Variants in UNC5D observed in about 807,000 individuals in gnomAD.
UNC5D encodes unc-5 netrin receptor D, also known as netrin receptor UNC5D.
A neutral mutation model predicts 105.4 loss-of-function variants in UNC5D; 39 were observed. The observed-to-expected ratio is 0.37, with a 90% CI of 0.29 to 0.48. The LOEUF is 0.48. UNC5D is among the 20% of genes least tolerant of loss of function. UNC5D has a pLI of 0.98. For synonymous variants in UNC5D, 452 were observed against 450.4 expected (o/e 1.00, Z -0.04); for missense variants, 991 against 1,202.4 (o/e 0.82, Z 2.60).
At chr8:35,356,690 C>A (rs114991309) in intron 1 of UNC5D, among the ~76,000 whole-genome samples, 2,261 of 151,344 alleles carry the variant, frequency 0.015, 64 homozygotes, top group African/African-American at 0.053. Flanking sequence ...AAAGGAAGAA[C>A]TTAACAGCTT....
At chr8:35,589,387 T>G (rs117865994) in intron 3 of UNC5D, among the ~76,000 whole-genome samples, 1,770 of 151,840 alleles carry the variant, frequency 0.012, 20 homozygotes, top group Middle Eastern at 0.02. Context: ...ATGCATCCAT[T>G]TTTCTGTGGA....
intron 4 of UNC5D, among the ~76,000 whole-genome samples, chr8:35,616,660 C>T (rs1821044214): frequency 6.6e-6 from 1 of 152,170 alleles, no homozygotes; most frequent in South Asian, 2.1e-4. Flanking sequence ...CCTCCATCTC[C>T]TCTCCAATTT....
intron 1 of UNC5D, among the ~76,000 whole-genome samples, chr8:35,518,513 GTCCCT>G (rs1813260012): frequency 6.6e-6 from 1 of 152,058 alleles, no homozygotes; most frequent in South Asian, 2.1e-4. Flanking sequence ...TAGATCGATG[GTCCCT>G]TCTTACTGCA....
chr8:35,442,425 TAG>T (rs1287603663), intron 1 of UNC5D, among the ~76,000 whole-genome samples: 1 of 151,854 alleles, frequency 6.6e-6, no homozygotes, highest in Non-Finnish European at 1.5e-5. Context: ...AGAGTTACTC[TAG>T]AGGCATGAGG....
At chr8:35,616,859 C>G (rs1052371591) in intron 4 of UNC5D, among the ~76,000 whole-genome samples, 1 of 152,142 alleles carries the variant, frequency 6.6e-6, no homozygotes, top group Non-Finnish European at 1.5e-5. Flanking sequence ...TTTAAAGAAA[C>G]CTCATATAAG....
Position 35,722,269 on chromosome 8 carries a change from G to A in UNC5D, c.1177G>A (p.Val393Ile), listed in dbSNP as rs200480436. The change falls in exon 9 of 17, where the codon GTT becomes ATT. Residue 393 changes from valine to isoleucine, a missense_variant. By Grantham distance (29) the Val-to-Ile change is conservative. This residue lies in a region of UNC5D where 944 missense variants were observed against 1,131.6 expected (regional missense o/e 0.83). Transcript: ENST00000404895. ...YSGLGAAVVA[V>I]AVLVIGVTLY... ...GGGCTTGGGTGCTGCCGTCGTGGCCGTTGCAGTCCTGGTCATTGGTGTCAC... is the reference window on the plus strand; with the variant it reads ...GGGCTTGGGTGCTGCCGTCGTGGCCATTGCAGTCCTGGTCATTGGTGTCAC... The A allele has an allele frequency of 2.1e-4, 332 of 1,614,020 alleles. 2 individuals are homozygous for A. The highest frequency in any genetic ancestry group is 2.5e-4 in the Non-Finnish European group (300 of 1,180,026).
chr8:35,506,516 G>T (rs1318427739), intron 1 of UNC5D, among the ~76,000 whole-genome samples: 1 of 152,178 alleles, frequency 6.6e-6, no homozygotes, highest in Admixed American at 6.5e-5. Flanking sequence ...TAGAGGACCA[G>T]GTATAATCAT....
chr8:35,353,097 G>A (rs1031308150), intron 1 of UNC5D, among the ~76,000 whole-genome samples: 9 of 152,032 alleles, frequency 5.9e-5, no homozygotes, highest in African/African-American at 2.2e-4. Flanking sequence ...CACAACAAAA[G>A]CTACCCTAAG....
At chr8:35,726,710 T>C in intron 10 of UNC5D, 181 bp downstream of exon 10, 2 of 921,856 alleles carry the variant, frequency 2.2e-6, no homozygotes, top group Non-Finnish European at 3.2e-6. Flanking sequence ...GAGATTAGAT[T>C]TTGCAGTCTT....
intron 1 of UNC5D, among the ~76,000 whole-genome samples, chr8:35,542,454 A>G (rs1225551451): frequency 3.3e-5 from 5 of 152,212 alleles, no homozygotes; most frequent in Admixed American, 3.3e-4. Flanking sequence ...TTAAAGAGCT[A>G]ATTCTAAGGA....
intron 1 of UNC5D, among the ~76,000 whole-genome samples, chr8:35,444,184 C>T (rs1807625727): frequency 6.6e-6 from 1 of 151,898 alleles, no homozygotes; most frequent in Non-Finnish European, 1.5e-5. Flanking sequence ...TCAAATTTCC[C>T]ATTCTCTATT....
chr8:35,656,388 C>T (rs565119073), intron 4 of UNC5D, among the ~76,000 whole-genome samples: 1 of 152,280 alleles, frequency 6.6e-6, no homozygotes, highest in Admixed American at 6.5e-5. Context: ...TCAGGTTTTT[C>T]TGAGAAGTTG....
Position 35,377,437 on chromosome 8 carries a change from G to A in UNC5D, c.103+141550G>A, listed in dbSNP as rs116892447. On this transcript the variant is annotated intron_variant, in intron 1 of 16. Transcript: ENST00000404895. ...GCAGCACCAGGGCATTGAGTGCTCCGTGTGTCTCTGCAGGGCCCGGGATTG... is the reference window on the plus strand; with the variant it reads ...GCAGCACCAGGGCATTGAGTGCTCCATGTGTCTCTGCAGGGCCCGGGATTG... Among the ~76,000 whole-genome samples the A allele has an allele frequency of 8.6e-3, 1,309 of 152,296 alleles. 10 individuals carry two copies. Among genetic ancestry groups the A allele is most frequent in the Non-Finnish European group, 0.012 (830 of 68,032 alleles).
intron 1 of UNC5D, among the ~76,000 whole-genome samples, chr8:35,412,831 G>C (rs1034876230): frequency 6.6e-6 from 1 of 152,022 alleles, no homozygotes; most frequent in South Asian, 2.1e-4. Context: ...TTAGATGTTC[G>C]TTCCAACTCC....
intron 13 of UNC5D, 95 bp downstream of exon 13, chr8:35,750,904 TAGAAAATGAACCCACGCC>T: frequency 6.8e-7 from 1 of 1,476,940 alleles, no homozygotes. Context: ...ACTGAGGGTC[TAGAAAATGAACCCACGCC>T]ACTGTAACTG....
At chr8:35,281,090 G>A (rs1387648416) in intron 1 of UNC5D, among the ~76,000 whole-genome samples, 1 of 152,034 alleles carries the variant, frequency 6.6e-6, no homozygotes, top group Non-Finnish European at 1.5e-5. Context: ...CCAGGCCTTC[G>A]CTGTGCCTCA....
At chr8:35,764,714 T>A (rs1223235248) in intron 14 of UNC5D, among the ~76,000 whole-genome samples, 2 of 152,186 alleles carry the variant, frequency 1.3e-5, no homozygotes, top group Admixed American at 1.3e-4. Flanking sequence ...AACGGACATG[T>A]GTTGTCAGCT....
chr8:35,394,125 G>T (rs979347646), intron 1 of UNC5D, among the ~76,000 whole-genome samples: 2 of 151,950 alleles, frequency 1.3e-5, no homozygotes, highest in African/African-American at 4.8e-5. Flanking sequence ...AACCAATCAT[G>T]TTTGTGTCTT....
At chr8:35,682,529 A>C (rs1825738249) in intron 4 of UNC5D, among the ~76,000 whole-genome samples, 1 of 152,228 alleles carries the variant, frequency 6.6e-6, no homozygotes, top group South Asian at 2.1e-4. Context: ...GTTGTTGTCA[A>C]ACAAGAGATG....
Sources: gnomAD v4.1 joint callset for allele counts (sites outside exome capture counted in the v4.1 genomes callset) on GRCh38, gnomAD v4.1.1 for gene constraint, gnomAD v4.1.1 regional missense constraint, MANE v1.5 for transcripts, NCBI Gene and HGNC (gene_info 2026-07-23, HGNC 2026-07-21) for gene names.